The following SLC9A7 variants were observed in gnomAD, a reference collection of about 807,000 sequenced individuals.
The protein encoded by SLC9A7 is sodium/hydrogen exchanger 7.
A neutral mutation model predicts 52.6 loss-of-function variants in SLC9A7; 19 were observed. The observed-to-expected ratio is 0.36, with a 90% CI of 0.25 to 0.53. The LOEUF (loss-of-function observed/expected upper bound fraction) is 0.53. SLC9A7 is among the 20% of genes least tolerant of loss of function. The pLI is 0.91. For missense variants in SLC9A7, 455 were observed against 597.9 expected (o/e 0.76, Z 2.49); for synonymous variants, 226 against 252.1 (o/e 0.90, Z 0.98).
chrX:46,651,142 C>T lies in SLC9A7; in HGVS notation c.1318G>A (p.Val440Ile), dbSNP rs752298815. 25 of 1,205,454 alleles carry T rather than the reference C, an allele frequency of 2.1e-5. No individual in the cohort carries two copies. Among genetic ancestry groups the T allele is most frequent in the African/African-American group, 7.1e-5 (4 of 56,585 alleles). Residue 440 changes from valine to isoleucine, a missense_variant, in exon 10 of 17, where the codon GTT becomes ATT. Coordinates refer to ENST00000616978, the MANE Select transcript of SLC9A7 (RefSeq NM_001257291.2). Reference protein sequence around the residue: ...GLALFTFQKHVFSPIFIIGAF... With the variant: ...GLALFTFQKHIFSPIFIIGAF... ...CCGATGATGAAAATGGGGCTGAAAA[C>T]GTGCTTCTGGAAGGTAAACAGTGCC...
In SLC9A7 at chrX:46,741,056, C is replaced by A. The variant is rs1921312736; in HGVS notation, c.325+17649G>T. Among the ~76,000 whole-genome samples, 2 of 111,855 alleles carry A rather than the reference C, an allele frequency of 1.8e-5. 1 individual carries two copies. The highest frequency in any genetic ancestry group is 7.4e-4 in the South Asian group (2 of 2,712). On this transcript the variant is annotated intron_variant, in intron 1 of 16. Coordinates refer to ENST00000616978, the MANE Select transcript of SLC9A7 (RefSeq NM_001257291.2). Reference sequence around the variant, plus strand: ...AATAATATCAAATGTAATACCATCACAAATGTGAAATACTTAAGGATAAGT... The same window carrying A: ...AATAATATCAAATGTAATACCATCAAAAATGTGAAATACTTAAGGATAAGT...
intron 1 of SLC9A7, among the ~76,000 whole-genome samples, chrX:46,705,622 C>A (rs1297455425): frequency 9.0e-6 from 1 of 111,563 alleles, no homozygotes; most frequent in Non-Finnish European, 1.9e-5. Context: ...ATTGCTTGAG[C>A]TCAGGAGTTT....
At chrX:46,695,827 T>C (rs150175940) in intron 1 of SLC9A7, among the ~76,000 whole-genome samples, 1 of 110,230 alleles carries the variant, frequency 9.1e-6, no homozygotes, top group Non-Finnish European at 1.9e-5. Context: ...GGCAATCAGA[T>C]AGAGGCTGAA....
chrX:46,718,632 T>C (rs141975403), intron 1 of SLC9A7, among the ~76,000 whole-genome samples: 2,246 of 111,745 alleles, frequency 0.02, 50 homozygotes, highest in African/African-American at 0.069. Context: ...AATAAGTGGG[T>C]GAAGGATATG....
chrX:46,749,027 C>G (rs1569526727), intron 1 of SLC9A7, among the ~76,000 whole-genome samples: 1 of 111,756 alleles, frequency 8.9e-6, no homozygotes, highest in Non-Finnish European at 1.9e-5. Context: ...TCTGCAAACA[C>G]ACATTATTTG....
intron 1 of SLC9A7, 45 bp downstream of exon 1, chrX:46,758,660 C>T: frequency 3.2e-6 from 3 of 933,308 alleles, no homozygotes; most frequent in Non-Finnish European, 4.3e-6. Flanking sequence ...AGGAGCGCGG[C>T]GGCCGAGGGG....
At chrX:46,611,325 T>C (rs1458888619) in intron 16 of SLC9A7, among the ~76,000 whole-genome samples, 1 of 112,441 alleles carries the variant, frequency 8.9e-6, no homozygotes, top group Non-Finnish European at 1.9e-5. Context: ...CATTTAAAAC[T>C]TACCGCAAGC....
chrX:46,695,166 G>T (rs986473070), intron 1 of SLC9A7, among the ~76,000 whole-genome samples: 6 of 112,060 alleles, frequency 5.4e-5, no homozygotes, highest in African/African-American at 2.0e-4. Context: ...CACTGAAATT[G>T]TATACATGAG....
At chrX:46,757,895 C>T (rs1556293662) in intron 1 of SLC9A7, among the ~76,000 whole-genome samples, 3 of 111,503 alleles carry the variant, frequency 2.7e-5, no homozygotes, top group Non-Finnish European at 5.7e-5. Context: ...CATCAGCCCA[C>T]CCCTAACAAC....
intron 1 of SLC9A7, among the ~76,000 whole-genome samples, chrX:46,727,329 G>A (rs1944961412): frequency 8.9e-6 from 1 of 112,069 alleles, no homozygotes; most frequent in Admixed American, 9.5e-5. Context: ...CTATCACCTG[G>A]TACCCCAATG....
At chrX:46,702,445 C>T (rs1944545403) in intron 1 of SLC9A7, among the ~76,000 whole-genome samples, 1 of 111,260 alleles carries the variant, frequency 9.0e-6, no homozygotes, top group Non-Finnish European at 1.9e-5. Flanking sequence ...CCCATCTCCC[C>T]CTCTCATAGT....
At chrX:46,729,148 T>C (rs1944987643) in intron 1 of SLC9A7, among the ~76,000 whole-genome samples, 1 of 112,333 alleles carries the variant, frequency 8.9e-6, no homozygotes, top group African/African-American at 3.2e-5. Flanking sequence ...ACCTGGCTTT[T>C]AAAAAGGGAA....
intron 14 of SLC9A7, among the ~76,000 whole-genome samples, chrX:46,626,567 G>A (rs750668446): frequency 4.4e-5 from 5 of 112,904 alleles, no homozygotes; most frequent in African/African-American, 9.6e-5. Flanking sequence ...GAGCCACCAC[G>A]CCCGGCCTGG....
In SLC9A7 at chrX:46,717,643, G is replaced by A. The variant is rs760019488; in HGVS notation, c.326-35108C>T. Among the ~76,000 whole-genome samples the A allele has an allele frequency of 5.4e-5, 6 of 111,734 alleles. No homozygotes were observed. In the East Asian group the frequency reaches 1.4e-3, roughly 26 times the overall value. On this transcript the variant is annotated intron_variant, in intron 1 of 16. Coordinates refer to ENST00000616978, the MANE Select transcript of SLC9A7 (RefSeq NM_001257291.2). ...GATCCACCCATCTCAGCCTCCCAAA[G>A]TGCTAGGATTACAGGTGTGAGCCAC... is the stretch of plus-strand genomic sequence containing the variant.
At position 46,744,023 on chromosome X, in the gene SLC9A7, T is replaced by C. The variant is rs1921555845; in HGVS notation, c.325+14682A>G. Among the ~76,000 whole-genome samples, 5 of 112,635 alleles carry C rather than the reference T, an allele frequency of 4.4e-5. No homozygotes were observed. In the Admixed American group the frequency reaches 4.7e-4, roughly 11 times the overall value. On this transcript the variant is annotated intron_variant, in intron 1 of 16. Transcript: ENST00000616978. ...AATACATAAGTATTCAGTCCAAATC[T>C]GGCATGGCAGCTCTATGCTATCAGA...
rs756164578 is a variant in SLC9A7 at position 46,662,105 on chromosome X, C to G, written c.952G>C (p.Ala318Pro). The G allele has an allele frequency of 5.8e-6, 7 of 1,207,724 alleles. No homozygotes were observed. In the Admixed American group the frequency reaches 1.5e-4, roughly 26 times the overall value. ...ATGCCAACTGACTTAAAAAAGGCAG[C>G]AGCATCAAAGGCGTGAGTGTTCAGT... is the stretch of plus-strand genomic sequence containing the variant. Reference protein sequence around the residue: ...AGLNTHAFDAAAFFKSVGIFL... With the variant: ...AGLNTHAFDAPAFFKSVGIFL... Residue 318 changes from alanine to proline, a missense_variant, in exon 7 of 17, where the codon GCT (alanine) becomes CCT (proline). Ala to Pro is a conservative substitution (Grantham distance 27). This residue lies in a region of SLC9A7 where 304 missense variants were observed against 417.8 expected (regional missense o/e 0.73). Transcript: ENST00000616978.
In SLC9A7 at chrX:46,668,963, C is replaced by G. The variant is rs192443473; in HGVS notation, c.793+644G>C. ...CGGGTGGATCACGAAGTCAGGAGAT[C>G]GAGACCATCCTGGCTAACACGGTGA... On this transcript the variant is annotated intron_variant, in intron 5 of 16. Coordinates refer to ENST00000616978, the MANE Select transcript of SLC9A7 (RefSeq NM_001257291.2). Among the ~76,000 whole-genome samples the G allele has an allele frequency of 2.2e-4, 24 of 110,375 alleles. No individual in the cohort carries two copies. In the East Asian group the frequency reaches 2.3e-3, roughly 11 times the overall value.
intron 1 of SLC9A7, among the ~76,000 whole-genome samples, chrX:46,714,029 G>A (rs1240509756): frequency 1.8e-5 from 2 of 110,618 alleles, no homozygotes; most frequent in East Asian, 5.6e-4. Context: ...ACTACTCTAA[G>A]TAATGTGCCC....
chrX:46,681,515 C>T (rs1343261909), intron 2 of SLC9A7, among the ~76,000 whole-genome samples: 3 of 111,926 alleles, frequency 2.7e-5, no homozygotes, highest in Non-Finnish European at 5.6e-5. Context: ...CCAAAAACAA[C>T]AATAATTTAA....
Sources: allele counts gnomAD v4.1 joint callset (sites outside exome capture counted in the v4.1 genomes callset), GRCh38; gene constraint gnomAD v4.1.1; regional missense constraint gnomAD v4.1.1; transcripts MANE v1.5; gene names NCBI Gene and HGNC (gene_info 2026-07-23, HGNC 2026-07-21).